Variants in ERBB4 observed in about 807,000 individuals in gnomAD.
ERBB4 encodes receptor tyrosine-protein kinase erbB-4.
In ERBB4, 42 loss-of-function variants were observed where a neutral mutation model predicts 158.0. The ratio of observed to expected loss-of-function variants is 0.27; its 90% CI spans 0.21 to 0.34. ERBB4 has a LOEUF of 0.34. ERBB4 is among the 10% of genes least tolerant of loss of function. The pLI, the probability that ERBB4 is intolerant of heterozygous loss-of-function variation, is 1.00. For synonymous variants in ERBB4, 583 were observed against 558.7 expected (o/e 1.04, Z -0.61); for missense variants, 1,333 against 1,624.1 (o/e 0.82, Z 3.08).
At chr2:212,404,761 A>G (rs1355896553) in intron 1 of ERBB4, among the ~76,000 whole-genome samples, 1 of 151,996 alleles carries the variant, frequency 6.6e-6, no homozygotes, top group Non-Finnish European at 1.5e-5. Flanking sequence ...TGTTAAGCCC[A>G]GTACCTAATA....
intron 20 of ERBB4, among the ~76,000 whole-genome samples, chr2:211,445,523 T>G (rs1474375675): frequency 6.6e-6 from 1 of 151,878 alleles, no homozygotes; most frequent in Non-Finnish European, 1.5e-5. Flanking sequence ...AAAGACAGAG[T>G]GTTATTTCTT....
At chr2:212,521,769 A>G (rs1199419579) in intron 1 of ERBB4, among the ~76,000 whole-genome samples, 1 of 151,942 alleles carries the variant, frequency 6.6e-6, no homozygotes, top group Non-Finnish European at 1.5e-5. Flanking sequence ...CTATACTCAC[A>G]TGGTGGACTC....
intron 1 of ERBB4, among the ~76,000 whole-genome samples, chr2:212,208,970 G>C (rs1051010458): frequency 2.6e-5 from 4 of 151,954 alleles, no homozygotes; most frequent in African/African-American, 9.7e-5. Flanking sequence ...ATGCTCTCCC[G>C]ATTTATCTCC....
At chr2:212,177,176 A>T (rs2081694183) in intron 1 of ERBB4, among the ~76,000 whole-genome samples, 1 of 151,778 alleles carries the variant, frequency 6.6e-6, no homozygotes. Context: ...GAATTATAGA[A>T]TTTTTTTGTA....
chr2:211,759,376 T>C (rs2075356268), intron 4 of ERBB4, among the ~76,000 whole-genome samples: 1 of 152,126 alleles, frequency 6.6e-6, no homozygotes, highest in African/African-American at 2.4e-5. Flanking sequence ...AGTCAGACCA[T>C]GTCAAATCTC....
intron 3 of ERBB4, among the ~76,000 whole-genome samples, chr2:211,903,673 T>A (rs896648975): frequency 6.6e-6 from 1 of 152,012 alleles, no homozygotes. Context: ...AATGCCAATA[T>A]TTAATCCCTT....
At chr2:212,181,577 T>A (rs1384904115) in intron 1 of ERBB4, among the ~76,000 whole-genome samples, 1 of 151,786 alleles carries the variant, frequency 6.6e-6, no homozygotes, top group Non-Finnish European at 1.5e-5. Context: ...ATTACAGTCC[T>A]GCACTCATTC....
At chr2:211,569,734 G>C (rs1322374659) in intron 19 of ERBB4, among the ~76,000 whole-genome samples, 2 of 152,174 alleles carry the variant, frequency 1.3e-5, no homozygotes, top group Non-Finnish European at 2.9e-5. Flanking sequence ...CATGTGCTTG[G>C]AATTTAGCAA....
intron 2 of ERBB4, among the ~76,000 whole-genome samples, chr2:212,058,199 A>T (rs1405855183): frequency 6.6e-6 from 1 of 152,254 alleles, no homozygotes; most frequent in Non-Finnish European, 1.5e-5. Flanking sequence ...GAAGAAGTGG[A>T]TAAATTCCTG....
chr2:212,510,842 G>A (rs1036805007), intron 1 of ERBB4, among the ~76,000 whole-genome samples: 1 of 152,006 alleles, frequency 6.6e-6, no homozygotes, highest in African/African-American at 2.4e-5. Context: ...TGTAGTTCAA[G>A]TGCCCGTTAA....
At chr2:212,466,826 C>T (rs1401037729) in intron 1 of ERBB4, among the ~76,000 whole-genome samples, 1 of 152,150 alleles carries the variant, frequency 6.6e-6, no homozygotes, top group Non-Finnish European at 1.5e-5. Context: ...GCTGAAAAGA[C>T]AGCAAAATGT....
At chr2:212,123,625 C>A (rs1008817837) in intron 2 of ERBB4, among the ~76,000 whole-genome samples, 1 of 152,060 alleles carries the variant, frequency 6.6e-6, no homozygotes, top group African/African-American at 2.4e-5. Context: ...CTTTACTAGT[C>A]CAACTATGAG....
chr2:211,943,717 TA>T, intron 3 of ERBB4, among the ~76,000 whole-genome samples: 1 of 152,202 alleles, frequency 6.6e-6, no homozygotes, highest in Non-Finnish European at 1.5e-5. Flanking sequence ...GAAGCAGCAG[TA>T]AAACAAGTTT....
Position 211,594,255 on chromosome 2 carries a change from G to A in ERBB4, c.2301+24922C>T, listed in dbSNP as rs916179400. ...AATTTGAGACCAGCCTGGGCAACACGGTGAAACCTCGTCTCTACTAAAATA... is the reference window on the plus strand; with the variant it reads ...AATTTGAGACCAGCCTGGGCAACACAGTGAAACCTCGTCTCTACTAAAATA... On this transcript the variant is annotated intron_variant, in intron 19 of 27. Coordinates refer to ENST00000342788, the MANE Select transcript of ERBB4 (RefSeq NM_005235.3). 3.3e-5 allele frequency among the ~76,000 whole-genome samples: 5 copies of A among 152,010 alleles called. No homozygotes were observed. The East Asian group carries it at 7.7e-4, about 23-fold the overall frequency.
intron 4 of ERBB4, among the ~76,000 whole-genome samples, chr2:211,761,316 GT>G: frequency 6.6e-6 from 1 of 151,944 alleles, no homozygotes; most frequent in Non-Finnish European, 1.5e-5. Context: ...CTCTAGAAGT[GT>G]TTTTGATGGT....
At chr2:212,120,971 A>G (rs1435038808) in intron 2 of ERBB4, among the ~76,000 whole-genome samples, 1 of 152,234 alleles carries the variant, frequency 6.6e-6, no homozygotes, top group Admixed American at 6.5e-5. Context: ...GACAGATTAC[A>G]TATTTTGGAG....
intron 1 of ERBB4, among the ~76,000 whole-genome samples, chr2:212,254,884 C>T (rs1430676193): frequency 6.6e-6 from 1 of 152,032 alleles, no homozygotes; most frequent in East Asian, 1.9e-4. Flanking sequence ...ACTGTAAATA[C>T]TTTGTTATAG....
intron 5 of ERBB4, among the ~76,000 whole-genome samples, chr2:211,745,426 A>C (rs925062152): frequency 8.5e-5 from 13 of 152,180 alleles, no homozygotes; most frequent in African/African-American, 3.1e-4. Context: ...GAGAGAGGAC[A>C]GGAATGAATG....
At chr2:211,451,335 G>A (rs544000419) in intron 20 of ERBB4, among the ~76,000 whole-genome samples, 1 of 152,326 alleles carries the variant, frequency 6.6e-6, no homozygotes, top group African/African-American at 2.4e-5. Flanking sequence ...CAGGACGGAA[G>A]TCTGAATAGT....
Sources: gnomAD v4.1 joint callset for allele counts (sites outside exome capture counted in the v4.1 genomes callset) on GRCh38, gnomAD v4.1.1 for gene constraint, MANE v1.5 for transcripts, NCBI Gene and HGNC (gene_info 2026-07-23, HGNC 2026-07-21) for gene names.